The following CTLA4 variants were observed in gnomAD, a reference collection of about 807,000 sequenced individuals.
CTLA4 encodes the protein cytotoxic T-lymphocyte protein 4.
A neutral mutation model predicts 20.4 loss-of-function variants in CTLA4; 3 were observed. The ratio of observed to expected loss-of-function variants is 0.15; its 90% CI spans 0.07 to 0.38. The LOEUF is 0.38. Among genes scored for constraint, CTLA4 ranks in the 10% least tolerant of loss-of-function variants. The pLI is 1.00. For synonymous variants in CTLA4, 100 were observed against 105.2 expected, an observed-to-expected ratio of 0.95 and a Z score of 0.30; for missense variants, 184 against 276.8, an observed-to-expected ratio of 0.66 and a Z score of 2.38.
rs1688657403 is a variant in CTLA4 at position 203,867,969 on chromosome 2, C to T, written c.27C>T (p.His9=). The T allele has an allele frequency of 6.2e-7, 1 of 1,614,032 alleles. No homozygotes were observed. The highest frequency in any genetic ancestry group is 1.1e-5 in the South Asian group (1 of 91,086). Residue 9 remains histidine (H), a synonymous_variant, in exon 1 of 4, where the codon CAC becomes CAT. Coordinates refer to ENST00000648405, the MANE Select transcript of CTLA4 (RefSeq NM_005214.5). MACLGFQR[H]KAQLNLATRT... is the part of the protein sequence containing the mutation. ...TGGCTTGCCTTGGATTTCAGCGGCACAAGGCTCAGCTGAACCTGGCTACCA... is the reference window on the plus strand; with the variant it reads ...TGGCTTGCCTTGGATTTCAGCGGCATAAGGCTCAGCTGAACCTGGCTACCA...
chr2:203,870,582 C>G lies in CTLA4; in HGVS notation c.110-4C>G, dbSNP rs767100685. 2.7e-5 allele frequency: 44 copies of G among 1,611,660 alleles called. No homozygotes were observed. The highest frequency in any genetic ancestry group is 1.7e-4 in the Middle Eastern group (1 of 6,034). On this transcript the variant is annotated splice_region_variant and splice_polypyrimidine_tract_variant and intron_variant, in intron 1 of 3. Coordinates refer to ENST00000648405, the MANE Select transcript of CTLA4 (RefSeq NM_005214.5). This position sits in a 1 kb window ranked among gnomAD's most constrained non-coding sequence, Gnocchi z 5.3. The stretch of plus-strand genomic sequence containing the variant: ...CTGAGTTCCCTTTGGCTTTTCCATG[C>G]TAGCAATGCACGTGGCCCAGCCTGC...
intron 3 of CTLA4, 27 bp downstream of exon 3, chr2:203,871,514 T>G (rs112640013): frequency 6.7e-7 from 1 of 1,496,532 alleles, no homozygotes; most frequent in Non-Finnish European, 9.3e-7. Flanking sequence ...TGGTGCACCA[T>G]GTCTGATGGG....
intron 3 of CTLA4, 89 bp downstream of exon 3, chr2:203,871,576 C>A: frequency 9.7e-7 from 1 of 1,032,124 alleles, no homozygotes; most frequent in Non-Finnish European, 1.5e-6. Flanking sequence ...GTTTAGTGTT[C>A]TTGAGATGAG....
At chr2:203,868,847 C>T (rs1688676454) in intron 1 of CTLA4, among the ~76,000 whole-genome samples, 1 of 152,144 alleles carries the variant, frequency 6.6e-6, no homozygotes, top group Non-Finnish European at 1.5e-5. Flanking sequence ...AACCTTATCT[C>T]TCTCTAGACC....
Position 203,867,786 on chromosome 2 carries a change from G to T in CTLA4, c.-157G>T, listed in dbSNP as rs1559590764. 2 of 502,558 alleles carry T rather than the reference G, an allele frequency of 4.0e-6. No individual in the cohort carries two copies. The highest frequency in any genetic ancestry group is 7.1e-6 in the Non-Finnish European group (2 of 283,132). The allele number at this position is 502,558 out of a possible 1,614,324, so 31.1% of individuals were successfully genotyped here. ...AAACAAAAAGGCTTTCTATTCAAGTGCCTTCTGTGTGTGCACATGTGTAAT... is the reference window on the plus strand; with the variant it reads ...AAACAAAAAGGCTTTCTATTCAAGTTCCTTCTGTGTGTGCACATGTGTAAT... On this transcript the variant is annotated 5_prime_UTR_variant, in exon 1 of 4. Coordinates refer to ENST00000648405, the MANE Select transcript of CTLA4 (RefSeq NM_005214.5).
At chr2:203,869,608 C>T (rs1228759863) in intron 1 of CTLA4, among the ~76,000 whole-genome samples, 1 of 152,124 alleles carries the variant, frequency 6.6e-6, no homozygotes, top group African/African-American at 2.4e-5. Flanking sequence ...TTTGTTTTTG[C>T]GATCAGTGTT....
intron 3 of CTLA4, 84 bp downstream of exon 3, chr2:203,871,571 G>A (rs1031781711): frequency 5.6e-6 from 6 of 1,079,736 alleles, no homozygotes; most frequent in Non-Finnish European, 8.6e-6. Flanking sequence ...GTTGAGTTTA[G>A]TGTTCTTGAG....
chr2:203,869,436 T>C (rs1227196676), intron 1 of CTLA4, among the ~76,000 whole-genome samples: 1 of 152,210 alleles, frequency 6.6e-6, no homozygotes, highest in Non-Finnish European at 1.5e-5. Context: ...CAAACTGTTT[T>C]CTCTTCTGAG....
intron 1 of CTLA4, among the ~76,000 whole-genome samples, chr2:203,869,157 A>G (rs896807255): frequency 6.6e-6 from 1 of 152,228 alleles, no homozygotes; most frequent in African/African-American, 2.4e-5. Context: ...CTTAGAGTCA[A>G]TACAATAAAG....
chr2:203,872,973 A>G lies in CTLA4; in HGVS notation c.*161A>G. The G allele has an allele frequency of 1.7e-6, 1 of 605,602 alleles. No homozygotes were observed. The highest frequency in any genetic ancestry group is 2.1e-5 in the South Asian group (1 of 48,702). The allele number at this position is 605,602 out of a possible 1,614,324, so 37.5% of individuals were successfully genotyped here. On this transcript the variant is annotated 3_prime_UTR_variant, in exon 4 of 4. Coordinates refer to ENST00000648405, the MANE Select transcript of CTLA4 (RefSeq NM_005214.5). ...GCGGAACCCAAATTACGTGTACTAC[A>G]ATTTAAAGCAAAGGAGTAGAAAGAC...
Position 203,870,931 on chromosome 2 carries a change from T to C in CTLA4, c.455T>C (p.Ile152Thr), listed in dbSNP as rs1688719095. The stretch of plus-strand genomic sequence containing the variant: ...GGCAACGGAACCCAGATTTATGTAA[T>C]TGGTGAGCAAAGCCATTTCACTGAG... Reference protein sequence around the residue: ...GIGNGTQIYVIDPEPCPDSDF... With the variant: ...GIGNGTQIYVTDPEPCPDSDF... Residue 152 changes from isoleucine to threonine, a missense_variant and splice_region_variant, in exon 2 of 4, where the codon ATT becomes ACT. By Grantham distance (89) the Ile-to-Thr change is moderately conservative. Around this residue, in one of 3 missense-constraint regions of CTLA4, gnomAD observed 147 missense variants for 223.4 expected, o/e 0.66. Coordinates refer to ENST00000648405, the MANE Select transcript of CTLA4 (RefSeq NM_005214.5). This position sits in a 1 kb window ranked among gnomAD's most constrained non-coding sequence, Gnocchi z 5.3. 3 of 1,611,246 alleles carry C rather than the reference T, an allele frequency of 1.9e-6. No individual in the cohort carries two copies. Among genetic ancestry groups the C allele is most frequent in the Non-Finnish European group, 2.5e-6 (3 of 1,177,774 alleles).
chr2:203,873,108 T>C lies in CTLA4; in HGVS notation c.*296T>C, dbSNP rs1301113061. On this transcript the variant is annotated 3_prime_UTR_variant, in exon 4 of 4. Coordinates refer to ENST00000648405, the MANE Select transcript of CTLA4 (RefSeq NM_005214.5). Reference sequence around the variant, plus strand: ...TGGGTCAAGGAATTAAGTTAGGGAATGGCACAGCCCAAAGAAGGAAAAGGC... The same window carrying C: ...TGGGTCAAGGAATTAAGTTAGGGAACGGCACAGCCCAAAGAAGGAAAAGGC... 1 of 529,906 alleles carries C rather than the reference T, an allele frequency of 1.9e-6. No homozygotes were observed. Among genetic ancestry groups the C allele is most frequent in the Non-Finnish European group, 3.3e-6 (1 of 301,078 alleles). 32.8% of individuals were successfully genotyped at this position (529,906 alleles called of 1,614,324 possible).
Position 203,867,890 on chromosome 2 carries a change from C to A in CTLA4, c.-53C>A. ...AAACACATTTCAAAGCTTCAGGATCCTGAAAGGTTTTGCTCTACTTCCTGA... is the reference window on the plus strand; with the variant it reads ...AAACACATTTCAAAGCTTCAGGATCATGAAAGGTTTTGCTCTACTTCCTGA... On this transcript the variant is annotated 5_prime_UTR_variant, in exon 1 of 4. It adds an upstream start codon to the 5' untranslated region. Transcript: ENST00000648405. 1 of 1,342,388 alleles carries A rather than the reference C, an allele frequency of 7.4e-7. No homozygotes were observed. The highest frequency in any genetic ancestry group is 1.1e-6 in the Non-Finnish European group (1 of 938,352). The allele number at this position is 1,342,388 out of a possible 1,614,324, so 83.2% of individuals were successfully genotyped here. A position where few individuals can be genotyped will look rare whatever the true frequency, so the allele number is the denominator to read the frequency against.
Position 203,867,910 on chromosome 2 carries a change from T to A in CTLA4, c.-33T>A. On this transcript the variant is annotated 5_prime_UTR_variant, in exon 1 of 4. Transcript: ENST00000648405. ...GGATCCTGAAAGGTTTTGCTCTACT[T>A]CCTGAAGACCTGAACACCGCTCCCA... 1.3e-6 allele frequency: 2 copies of A among 1,548,710 alleles called. No homozygotes were observed. The highest frequency in any genetic ancestry group is 1.8e-6 in the Non-Finnish European group (2 of 1,121,812).
intron 3 of CTLA4, 21 bp from the exon 4 acceptor site, chr2:203,872,687 G>A (rs765449743): frequency 1.0e-5 from 15 of 1,489,686 alleles, no homozygotes; most frequent in Admixed American, 1.7e-5. Flanking sequence ...AGTAATTACT[G>A]TTTCTTTTTG....
intron 3 of CTLA4, 42 bp downstream of exon 3, chr2:203,871,529 C>A (rs766893214): frequency 2.1e-6 from 3 of 1,456,022 alleles, no homozygotes; most frequent in Non-Finnish European, 2.9e-6. Context: ...GATGGGGATA[C>A]CTTTAGTGGT....
rs1581573676 is a variant in CTLA4 at position 203,870,653 on chromosome 2, G to A, written c.177G>A (p.Glu59=). 9 of 1,614,228 alleles carry A rather than the reference G, an allele frequency of 5.6e-6. No individual in the cohort carries two copies. The Middle Eastern group carries it at 4.9e-4, about 89-fold the overall frequency. ...GAGGCATCGCCAGCTTTGTGTGTGAGTATGCATCTCCAGGCAAAGCCACTG... is the reference window on the plus strand; with the variant it reads ...GAGGCATCGCCAGCTTTGTGTGTGAATATGCATCTCCAGGCAAAGCCACTG... ...SSRGIASFVC[E]YASPGKATEV... Residue 59 remains glutamate, a synonymous_variant, in exon 2 of 4, where the codon GAG becomes GAA. Transcript: ENST00000648405. This position sits in a 1 kb window ranked among gnomAD's most constrained non-coding sequence, Gnocchi z 5.3.
At chr2:203,868,222 G>T (rs111860407) in intron 1 of CTLA4, among the ~76,000 whole-genome samples, 171 bp downstream of exon 1, 5 of 152,152 alleles carry the variant, frequency 3.3e-5, no homozygotes, top group Admixed American at 3.3e-4. Context: ...GCAGTTGGGC[G>T]GCAGCAAATA....
In CTLA4 at chr2:203,870,529, G is replaced by A; in HGVS notation, c.110-57G>A. 1 of 1,576,934 alleles carries A rather than the reference G, an allele frequency of 6.3e-7. No homozygotes were observed. Among genetic ancestry groups the A allele is most frequent in the Admixed American group, 1.7e-5 (1 of 58,706 alleles). ...GCTAGAAGGCAGAAGGGCTTGCCTG[G>A]GCTTGGCCATGAAGGAGCATGAGTT... On this transcript the variant is annotated intron_variant, in intron 1 of 3. Transcript: ENST00000648405. The surrounding 1 kb of genome is among the most constrained non-coding windows in gnomAD (Gnocchi z 5.3).
Sources: allele counts gnomAD v4.1 joint callset (sites outside exome capture counted in the v4.1 genomes callset), GRCh38; gene constraint gnomAD v4.1.1; regional missense constraint gnomAD v4.1.1; non-coding constraint Gnocchi (gnomAD v3.1); transcripts MANE v1.5; gene names NCBI Gene and HGNC (gene_info 2026-07-23, HGNC 2026-07-21).